The following IGSF10 variants were observed in gnomAD, a reference collection of about 807,000 sequenced individuals.
IGSF10 encodes calvaria mechanical force protein 608.
In IGSF10, 126 loss-of-function variants were observed where a neutral mutation model predicts 128.2. The ratio of observed to expected loss-of-function variants is 0.98; its 90% CI spans 0.85 to 1.14. The LOEUF (loss-of-function observed/expected upper bound fraction) is 1.14, where lower values mean the gene tolerates loss of function less well. Among genes scored for constraint, IGSF10 ranks in the 50% most tolerant of loss-of-function variants. The pLI, the probability that IGSF10 is intolerant of heterozygous loss-of-function variation, is 0.00. For missense variants in IGSF10, 3,295 were observed against 3,149.8 expected, an observed-to-expected ratio of 1.05 and a Z score of -1.10; for synonymous variants, 1,185 against 1,146.2, an observed-to-expected ratio of 1.03 and a Z score of -0.68.
the IGSF10 span, among the ~76,000 whole-genome samples, chr3:151,588,308 C>A: frequency 6.6e-6 from 1 of 151,954 alleles, no homozygotes; most frequent in Non-Finnish European, 1.5e-5. Context: ...GGTCCTGAAT[C>A]CCCAGAAAAA....
At chr3:151,505,583 T>C in the IGSF10 span, among the ~76,000 whole-genome samples, 16 of 152,306 alleles carry the variant, frequency 1.1e-4, no homozygotes, top group East Asian at 2.5e-3. Context: ...TATATATGTA[T>C]AGGTATTAGG....
At chr3:151,566,744 C>G in the IGSF10 span, among the ~76,000 whole-genome samples, 14 of 152,200 alleles carry the variant, frequency 9.2e-5, no homozygotes, top group Non-Finnish European at 1.9e-4. Context: ...GAGCAGCATT[C>G]GGTACTACCA....
chr3:151,571,249 T>G, the IGSF10 span, among the ~76,000 whole-genome samples: 11 of 152,182 alleles, frequency 7.2e-5, no homozygotes, highest in Admixed American at 1.3e-4. Flanking sequence ...TTAAGGTGGT[T>G]TTTTCCAATT....
At chr3:151,462,973 C>T (rs1023935458), upstream of IGSF10, among the ~76,000 whole-genome samples, 2 of 152,166 alleles carry the variant, frequency 1.3e-5, no homozygotes, top group Non-Finnish European at 2.9e-5. Flanking sequence ...CTCATGGCTT[C>T]GTATTCTTTA....
the IGSF10 span, among the ~76,000 whole-genome samples, chr3:151,577,575 T>A: frequency 6.6e-6 from 1 of 152,070 alleles, no homozygotes; most frequent in African/African-American, 2.4e-5. Flanking sequence ...AAACTACATA[T>A]CATATTAAAT....
At chr3:151,509,840 G>C in the IGSF10 span, among the ~76,000 whole-genome samples, 1 of 152,178 alleles carries the variant, frequency 6.6e-6, no homozygotes, top group Non-Finnish European at 1.5e-5. Context: ...CCTGCACATG[G>C]CTCAGAGGGT....
the IGSF10 span, among the ~76,000 whole-genome samples, chr3:151,605,769 C>A: frequency 1.3e-5 from 2 of 152,196 alleles, no homozygotes; most frequent in Non-Finnish European, 2.9e-5. Context: ...ATTTTCTTCA[C>A]CTTGCCACTC....
In IGSF10 at chr3:151,447,286, C is replaced by T. The variant is rs868473344; in HGVS notation, c.2695G>A (p.Gly899Arg). ...HSSTVFPLLL[G>R]ATEFQDSDQM... ...TCAGAGTCCTGAAATTCAGTTGCTC[C>T]AAGTAGCAGTGGAAAGACAGTGGAT... The change falls in exon 6 of 8, where the codon GGA (glycine) becomes AGA (arginine). Residue 899 changes from glycine (G) to arginine (R), a missense_variant. Transcript: ENST00000282466. The T allele has an allele frequency of 1.9e-6, 3 of 1,614,154 alleles. No homozygotes were observed. The highest frequency in any genetic ancestry group is 2.5e-6 in the Non-Finnish European group (3 of 1,180,030).
rs1720952524 is a variant in IGSF10 at position 151,443,058 on chromosome 3, G to A, written c.5889C>T (p.Cys1963=). ...GGGGTTTGGGCTCCCCAGTGGCTGAGCAGTTCAGTAGTAATTTGTCCCCAA... is the reference window on the plus strand; with the variant it reads ...GGGGTTTGGGCTCCCCAGTGGCTGAACAGTTCAGTAGTAATTTGTCCCCAA... ...VNFGDKLLLN[C]SATGEPKPQI... The change falls in exon 7 of 8, where the codon TGC becomes TGT. Residue 1963 remains cysteine, a synonymous_variant. Coordinates refer to ENST00000282466, the MANE Select transcript of IGSF10 (RefSeq NM_178822.5). The A allele has an allele frequency of 6.2e-7, 1 of 1,614,226 alleles. No homozygotes were observed. Among genetic ancestry groups the A allele is most frequent in the Non-Finnish European group, 8.5e-7 (1 of 1,180,048 alleles).
chr3:151,448,071 G>C lies in IGSF10; in HGVS notation c.1910C>G (p.Pro637Arg). ...ACAGCGATAATAACCTTGGTCTTTC[G>C]GGGTGACCTGTAATATTCTTAATGT... ...NGTLRILQVT[P>R]KDQGYYRCVA... The change falls in exon 6 of 8, where the codon CCG becomes CGG. Residue 637 changes from proline to arginine, a missense_variant. Physicochemically the swap from Pro to Arg is moderately radical, Grantham distance 103. Transcript: ENST00000282466. 6.2e-7 allele frequency: 1 copy of C among 1,614,096 alleles called. No individual in the cohort carries two copies. Among genetic ancestry groups the C allele is most frequent in the Non-Finnish European group, 8.5e-7 (1 of 1,180,030 alleles).
At chr3:151,534,485 T>C in the IGSF10 span, among the ~76,000 whole-genome samples, 84 of 152,272 alleles carry the variant, frequency 5.5e-4, no homozygotes, top group African/African-American at 1.9e-3. Context: ...TAAAAAATGA[T>C]GAGTTCATGT....
chr3:151,494,645 A>T, the IGSF10 span, among the ~76,000 whole-genome samples: 4 of 152,252 alleles, frequency 2.6e-5, no homozygotes, highest in Admixed American at 2.6e-4. Flanking sequence ...ACCTGATTGT[A>T]CTTACAAGGT....
rs1721248801 is a variant in IGSF10 at position 151,447,210 on chromosome 3, A to C, written c.2771T>G (p.Val924Gly). Residue 924 changes from valine (V) to glycine (G), a missense_variant, in exon 6 of 8, where the codon GTA (valine) becomes GGA (glycine). Val to Gly is a moderately radical substitution (Grantham distance 109). Transcript: ENST00000282466. ...ATTGACATCTTTGATCATAGTCCTT[A>C]CTGTTATTGGGGGTCTACTTTGGAA... is the stretch of plus-strand genomic sequence containing the variant. ...EHFQSRPPIT[V>G]RTMIKDVNVK... 1.2e-6 allele frequency: 2 copies of C among 1,614,136 alleles called. No homozygotes were observed. The highest frequency in any genetic ancestry group is 4.5e-5 in the East Asian group (2 of 44,880).
chr3:151,467,607 G>A, the IGSF10 span, among the ~76,000 whole-genome samples: 4 of 152,086 alleles, frequency 2.6e-5, no homozygotes, highest in Non-Finnish European at 5.9e-5. Flanking sequence ...TGGCTGAGCC[G>A]GGCGCGGTGG....
chr3:151,501,093 C>G, the IGSF10 span, among the ~76,000 whole-genome samples: 1 of 151,942 alleles, frequency 6.6e-6, no homozygotes, highest in African/African-American at 2.4e-5. Context: ...GTAACAAAAG[C>G]CTGCTTGATT....
the IGSF10 span, among the ~76,000 whole-genome samples, chr3:151,560,796 T>G: frequency 6.6e-6 from 1 of 152,116 alleles, no homozygotes; most frequent in Non-Finnish European, 1.5e-5. Flanking sequence ...TTTTAGACTC[T>G]GTGGTGTGTT....
the IGSF10 span, among the ~76,000 whole-genome samples, chr3:151,599,669 A>G: frequency 6.6e-6 from 1 of 152,242 alleles, no homozygotes; most frequent in African/African-American, 2.4e-5. Context: ...TTCTGACAAA[A>G]TAATTCTTCT....
chr3:151,600,567 C>G, the IGSF10 span, among the ~76,000 whole-genome samples: 7 of 152,052 alleles, frequency 4.6e-5, no homozygotes, highest in African/African-American at 1.4e-4. Context: ...CAAAAAATAA[C>G]AGTATACCTA....
At chr3:151,590,395 A>T in the IGSF10 span, among the ~76,000 whole-genome samples, 1 of 152,212 alleles carries the variant, frequency 6.6e-6, no homozygotes, top group African/African-American at 2.4e-5. Flanking sequence ...AATAAAATGG[A>T]TGACTTTATA....
Sources: allele counts gnomAD v4.1 joint callset (sites outside exome capture counted in the v4.1 genomes callset), GRCh38; gene constraint gnomAD v4.1.1; transcripts MANE v1.5; gene names NCBI Gene and HGNC (gene_info 2026-07-23, HGNC 2026-07-21).